TLN2: variants seen among roughly 807,000 people sequenced by gnomAD.
TLN2 encodes talin 2.
In TLN2, 118 loss-of-function variants were observed where a neutral mutation model predicts 294.7. The ratio of observed to expected loss-of-function variants is 0.40; its 90% confidence interval spans 0.34 to 0.47. The LOEUF is 0.47. Among genes scored for constraint, TLN2 ranks in the 20% least tolerant of loss-of-function variants. TLN2 has a pLI of 0.84. For synonymous variants in TLN2, 1,431 were observed against 1,304.5 expected, an observed-to-expected ratio of 1.10 and a Z score of -2.09; for missense variants, 3,083 against 3,282.2, an observed-to-expected ratio of 0.94 and a Z score of 1.48.
chr15:62,419,845 A>C (rs1027027029), intron 1 of TLN2, among the ~76,000 whole-genome samples: 4 of 152,054 alleles, frequency 2.6e-5, no homozygotes, highest in African/African-American at 9.7e-5. Flanking sequence ...GGCTGATCTC[A>C]AACTCCTGGG....
chr15:62,668,764 T>G (rs2055038694), intron 9 of TLN2, among the ~76,000 whole-genome samples: 2 of 152,204 alleles, frequency 1.3e-5, no homozygotes, highest in South Asian at 4.1e-4. Context: ...ACGGCTTTTG[T>G]CAGTACTCAG....
At chr15:62,626,327 A>G (rs1172171999) in intron 3 of TLN2, among the ~76,000 whole-genome samples, 1 of 152,148 alleles carries the variant, frequency 6.6e-6, no homozygotes, top group Non-Finnish European at 1.5e-5. Flanking sequence ...AAAAACCAAA[A>G]GTAGGTATTT....
chr15:62,574,184 T>G (rs973732807), intron 1 of TLN2, among the ~76,000 whole-genome samples: 29 of 152,138 alleles, frequency 1.9e-4, no homozygotes, highest in Non-Finnish European at 3.4e-4. Flanking sequence ...TTTTTTTTTT[T>G]GTCTCTTAGG....
chr15:62,583,138 G>A (rs1167059473), intron 1 of TLN2, among the ~76,000 whole-genome samples: 2 of 151,986 alleles, frequency 1.3e-5, no homozygotes, highest in Non-Finnish European at 2.9e-5. Context: ...AACATCTCAG[G>A]GTTATTTTAA....
intron 3 of TLN2, among the ~76,000 whole-genome samples, chr15:62,619,268 G>C (rs2048566697): frequency 6.6e-6 from 1 of 152,212 alleles, no homozygotes; most frequent in Non-Finnish European, 1.5e-5. Flanking sequence ...GCTCTGCTCT[G>C]TTAGAGAAGA....
intron 26 of TLN2, 88 bp downstream of exon 26, chr15:62,722,575 C>G (rs1436467220): frequency 1.4e-6 from 2 of 1,414,098 alleles, no homozygotes; most frequent in African/African-American, 2.8e-5. Flanking sequence ...ACTGCTGAAC[C>G]TATTTCTTGG....
chr15:62,496,083 AG>A (rs959085509), intron 1 of TLN2, among the ~76,000 whole-genome samples: 12 of 152,362 alleles, frequency 7.9e-5, no homozygotes, highest in African/African-American at 2.9e-4. Context: ...GGAAAGGGTC[AG>A]GGTGGATTCT....
chr15:62,802,620 G>A (rs759472721), intron 50 of TLN2, among the ~76,000 whole-genome samples: 2 of 152,142 alleles, frequency 1.3e-5, no homozygotes, highest in Non-Finnish European at 2.9e-5. Context: ...TCACAAAGTA[G>A]CTCTAATTTT....
chr15:62,553,739 G>A (rs370550268), intron 1 of TLN2, among the ~76,000 whole-genome samples: 4 of 151,986 alleles, frequency 2.6e-5, no homozygotes, highest in African/African-American at 9.7e-5. Context: ...CTGAATTTTT[G>A]CCTATTATGT....
chr15:62,816,122 C>T lies in TLN2; in HGVS notation c.6772-3394C>T, dbSNP rs1002857327. Among the ~76,000 whole-genome samples, 7 of 152,312 alleles carry T rather than the reference C, an allele frequency of 4.6e-5. No individual in the cohort carries two copies. The East Asian group carries it at 9.6e-4, about 21-fold the overall frequency. On this transcript the variant is annotated intron_variant, in intron 52 of 58. Coordinates refer to ENST00000636159, the MANE Select transcript of TLN2 (RefSeq NM_015059.3). ...TTAGAGACTCCAAATGGAAAACCCC[C>T]GCCTGGGGAATCCTTTAGAGAATTC...
At chr15:62,392,710 T>C (rs1485017603) in intron 1 of TLN2, among the ~76,000 whole-genome samples, 1 of 152,140 alleles carries the variant, frequency 6.6e-6, no homozygotes, top group African/African-American at 2.4e-5. Flanking sequence ...TCCGGTCTTC[T>C]TCACTGAAGA....
intron 1 of TLN2, among the ~76,000 whole-genome samples, chr15:62,433,207 A>G (rs1200307016): frequency 6.6e-6 from 1 of 152,156 alleles, no homozygotes; most frequent in African/African-American, 2.4e-5. Context: ...CGTTTCATTC[A>G]GAGGCTCTCA....
chr15:62,465,525 C>T (rs1025322413), intron 1 of TLN2, among the ~76,000 whole-genome samples: 1 of 152,090 alleles, frequency 6.6e-6, no homozygotes, highest in Admixed American at 6.6e-5. Flanking sequence ...TCGAAACTAT[C>T]GGGTTATGTG....
intron 3 of TLN2, chr15:62,638,669 C>T (rs2050657719): frequency 2.2e-6 from 1 of 455,078 alleles, no homozygotes; most frequent in South Asian, 1.6e-5. Context: ...TCTTGTATTC[C>T]ATGTTGTGGG....
At position 62,716,443 on chromosome 15, in the gene TLN2, T is replaced by C. The variant is rs2059777424; in HGVS notation, c.2747T>C (p.Ile916Thr). Residue 916 changes from isoleucine to threonine, a missense_variant, in exon 23 of 59, where the codon ATT (isoleucine) becomes ACT (threonine). Physicochemically the swap from Ile to Thr is moderately conservative, Grantham distance 89. Transcript: ENST00000636159. The part of the protein sequence containing the change: ...AAAQNAIKKK[I>T]VNRLEVAAKQ... The stretch of plus-strand genomic sequence containing the variant: ...GCCCAGAATGCTATTAAGAAAAAAA[T>C]TGTCAACCGACTGGAGGTAAGGAAA... The C allele has an allele frequency of 1.2e-6, 2 of 1,604,122 alleles. No homozygotes were observed. The highest frequency in any genetic ancestry group is 1.7e-6 in the Non-Finnish European group (2 of 1,175,718).
intron 1 of TLN2, among the ~76,000 whole-genome samples, chr15:62,409,780 A>T (rs1191333366): frequency 3.3e-5 from 5 of 152,166 alleles, no homozygotes; most frequent in African/African-American, 9.7e-5. Context: ...TTGGGAGGAG[A>T]TACTTTATTA....
intron 1 of TLN2, among the ~76,000 whole-genome samples, chr15:62,472,582 G>C (rs1346964554): frequency 6.6e-6 from 1 of 152,158 alleles, no homozygotes; most frequent in Non-Finnish European, 1.5e-5. Context: ...TTTGGCTATT[G>C]TAACTAAAAC....
intron 1 of TLN2, among the ~76,000 whole-genome samples, chr15:62,523,332 A>C (rs1567055981): frequency 6.6e-6 from 1 of 152,330 alleles, no homozygotes; most frequent in East Asian, 1.9e-4. Flanking sequence ...CTCTAACCAT[A>C]AAGTTCTGGA....
At chr15:62,644,590 C>T (rs1339615749) in intron 3 of TLN2, 2 of 456,058 alleles carry the variant, frequency 4.4e-6, no homozygotes, top group Non-Finnish European at 8.8e-6. Flanking sequence ...TGCTTCTCTC[C>T]TTCCTGTCTG....
Sources: allele counts gnomAD v4.1 joint callset (sites outside exome capture counted in the v4.1 genomes callset), GRCh38; gene constraint gnomAD v4.1.1; transcripts MANE v1.5; gene names NCBI Gene and HGNC (gene_info 2026-07-23, HGNC 2026-07-21).